DOCK8: variants seen among roughly 807,000 people sequenced by gnomAD.
DOCK8 encodes dedicator of cytokinesis protein 8.
DOCK8 carries 141 observed loss-of-function variants against 245.6 expected under a neutral mutation model. The ratio of observed to expected loss-of-function variants is 0.57; its 90% CI spans 0.50 to 0.66. The LOEUF (loss-of-function observed/expected upper bound fraction) is 0.66, where lower values mean the gene tolerates loss of function less well. DOCK8 is among the 30% of genes least tolerant of loss of function. The pLI is 0.00. For synonymous variants in DOCK8, 1,168 were observed against 970.2 expected (o/e 1.20, Z -3.79); for missense variants, 2,965 against 2,603.4 (o/e 1.14, Z -3.02).
At chr9:415,060 AAT>A in intron 29 of DOCK8, 109 bp downstream of exon 29, 1 of 1,479,470 alleles carries the variant, frequency 6.8e-7, no homozygotes, top group Non-Finnish European at 9.4e-7. Context: ...TCATATGAGC[AAT>A]TCTTCACAAA....
intron 2 of DOCK8, among the ~76,000 whole-genome samples, chr9:284,852 A>C (rs1328615393): frequency 2.6e-5 from 4 of 152,138 alleles, no homozygotes; most frequent in Non-Finnish European, 4.4e-5. Flanking sequence ...TAGAAAACCA[A>C]ATGCTGCATG....
Position 258,817 on chromosome 9 carries a change from C to T in DOCK8, c.54-12810C>T, listed in dbSNP as rs192651046. ...TTCACCACGTTGGCCAGGCTGGTCT[C>T]GAACTCCTGACCTCAGGTGATCTGC... On this transcript the variant is annotated intron_variant, in intron 1 of 47. Coordinates refer to ENST00000432829, the MANE Select transcript of DOCK8 (RefSeq NM_203447.4). Among the ~76,000 whole-genome samples, 1,040 of 151,984 alleles carry T rather than the reference C, an allele frequency of 6.8e-3. 13 individuals carry two copies. The highest frequency in any genetic ancestry group is 0.024 in the African/African-American group (1,005 of 41,466).
intron 1 of DOCK8, among the ~76,000 whole-genome samples, chr9:232,625 G>A (rs1005824953): frequency 7.9e-5 from 12 of 152,138 alleles, no homozygotes; most frequent in Admixed American, 7.2e-4. Context: ...TTAGTCTTGG[G>A]AGGGTGTATG....
intron 28 of DOCK8, among the ~76,000 whole-genome samples, chr9:409,993 C>T (rs1212325531): frequency 6.6e-6 from 1 of 151,994 alleles, no homozygotes; most frequent in Non-Finnish European, 1.5e-5. Context: ...GTGAATAGTG[C>T]CGCAATAAAA....
At position 441,963 on chromosome 9, in the gene DOCK8, A is replaced by G; in HGVS notation, c.5444A>G (p.Lys1815Arg). Reference protein sequence around the residue: ...GDLDEQEFVYKEPAITKLPEI... With the variant: ...GDLDEQEFVYREPAITKLPEI... ...TTGGATGAACAGGAGTTTGTCTACA[A>G]AGAGCCTGCAATTACCAAGCTTCCT... The change falls in exon 42 of 48, where the codon AAA (lysine) becomes AGA (arginine). Residue 1815 changes from lysine (K) to arginine (R), a missense_variant. By Grantham distance (26) the Lys-to-Arg change is conservative (BLOSUM62 2). Transcript: ENST00000432829. The G allele has an allele frequency of 3.1e-6, 5 of 1,614,146 alleles. No homozygotes were observed. Among genetic ancestry groups the G allele is most frequent in the Non-Finnish European group, 4.2e-6 (5 of 1,180,022 alleles).
intron 2 of DOCK8, among the ~76,000 whole-genome samples, chr9:278,517 C>A (rs1398978948): frequency 3.9e-5 from 6 of 152,168 alleles, no homozygotes. Context: ...GGGACAGACG[C>A]AGACAAATAG....
At chr9:298,868 C>T (rs1483727933) in intron 4 of DOCK8, among the ~76,000 whole-genome samples, 1 of 146,806 alleles carries the variant, frequency 6.8e-6, no homozygotes, top group Admixed American at 6.8e-5. Context: ...AAACCTTTGA[C>T]ATCAATACCC....
intron 4 of DOCK8, among the ~76,000 whole-genome samples, chr9:297,565 T>C (rs1045804677): frequency 1.7e-4 from 26 of 152,176 alleles, no homozygotes; most frequent in Admixed American, 1.7e-3. Context: ...GGAACTTGGC[T>C]TTATTTGACT....
intron 44 of DOCK8, among the ~76,000 whole-genome samples, chr9:448,531 A>G (rs1255867582): frequency 1.3e-5 from 2 of 152,208 alleles, no homozygotes; most frequent in Admixed American, 6.5e-5. Flanking sequence ...TACTGTCTGC[A>G]CAATTCTAGA....
chr9:307,400 C>CCAGG (rs1191978204), intron 5 of DOCK8, among the ~76,000 whole-genome samples: 1 of 110,534 alleles, frequency 9.0e-6, no homozygotes, highest in Non-Finnish European at 1.7e-5. Flanking sequence ...GCTCTTATTG[C>CCAGG]CAGGCTGGAG....
At chr9:441,438 G>A (rs2057091183) in intron 41 of DOCK8, 21 bp downstream of exon 41, 4 of 1,613,902 alleles carry the variant, frequency 2.5e-6, no homozygotes, top group East Asian at 2.2e-5. Flanking sequence ...AGCCTGGCTG[G>A]CAGGTCTTGT....
At chr9:235,528 A>C (rs991878383) in intron 1 of DOCK8, among the ~76,000 whole-genome samples, 1 of 152,144 alleles carries the variant, frequency 6.6e-6, no homozygotes, top group African/African-American at 2.4e-5. Context: ...GGCCTCCTTG[A>C]GCTGTGGTGG....
chr9:219,144 C>A (rs1304975229), intron 1 of DOCK8, among the ~76,000 whole-genome samples: 1 of 152,136 alleles, frequency 6.6e-6, no homozygotes, highest in Non-Finnish European at 1.5e-5. Context: ...GTGCTAAGAA[C>A]TTTATATACC....
At chr9:311,159 C>T (rs947266510) in intron 5 of DOCK8, among the ~76,000 whole-genome samples, 9 of 152,000 alleles carry the variant, frequency 5.9e-5, no homozygotes, top group Non-Finnish European at 1.2e-4. Flanking sequence ...GTGGCGGACG[C>T]CTGTAGTCCC....
rs149521894 is a variant in DOCK8, at chr9:372,264, A to G, written c.2087A>G (p.Asn696Ser). The change falls in exon 18 of 48, where the codon AAC (asparagine) becomes AGC (serine). Residue 696 changes from asparagine to serine, a missense_variant. Physicochemically the swap from Asn to Ser is conservative, Grantham distance 46. Coordinates refer to ENST00000432829, the MANE Select transcript of DOCK8 (RefSeq NM_203447.4). ...LPVALEKLPP[N>S]YSMHSAEKVP... ...GTTGCCTTGGAAAAATTGCCACCCA[A>G]CTACTCCATGCATTCTGCTGAGGTA... 2.3e-5 allele frequency: 37 copies of G among 1,613,952 alleles called. No homozygotes were observed. Among genetic ancestry groups the G allele is most frequent in the Middle Eastern group, 1.6e-4 (1 of 6,062 alleles).
chr9:216,184 ATTAT>A (rs1420443568), intron 1 of DOCK8, among the ~76,000 whole-genome samples: 2 of 152,152 alleles, frequency 1.3e-5, no homozygotes, highest in Admixed American at 6.5e-5. Context: ...AATGAGTTTA[ATTAT>A]TTATGTATAT....
intron 18 of DOCK8, 105 bp downstream of exon 18, chr9:372,391 T>TGC: frequency 1.1e-6 from 1 of 904,814 alleles, no homozygotes; most frequent in Non-Finnish European, 1.8e-6. Context: ...GTTCATCATG[T>TGC]TCTCAGAGAG....
chr9:289,722 ATC>A (rs1378203371), intron 4 of DOCK8, 141 bp downstream of exon 4: 1 of 671,106 alleles, frequency 1.5e-6, no homozygotes, highest in East Asian at 2.9e-5. Flanking sequence ...TGCCTTCCTT[ATC>A]CCCACTCCAT....
chr9:261,907 T>C (rs1276933141), intron 1 of DOCK8, among the ~76,000 whole-genome samples: 1 of 152,114 alleles, frequency 6.6e-6, no homozygotes, highest in Non-Finnish European at 1.5e-5. Context: ...CTACCTCAGC[T>C]TTCTTTTGGC....
Sources: gnomAD v4.1 joint callset for allele counts (sites outside exome capture counted in the v4.1 genomes callset) on GRCh38, gnomAD v4.1.1 for gene constraint, MANE v1.5 for transcripts, NCBI Gene and HGNC (gene_info 2026-07-23, HGNC 2026-07-21) for gene names.